The following MAP7 variants were observed in gnomAD, a reference collection of about 807,000 sequenced individuals.
MAP7 encodes microtubule associated protein 7.
Under a neutral mutation model 94.8 loss-of-function variants are expected in MAP7, and 52 were observed. The observed-to-expected ratio is 0.55, with a 90% confidence interval of 0.44 to 0.69. The LOEUF is 0.69. Among genes scored for constraint, MAP7 ranks in the 30% least tolerant of loss-of-function variants. MAP7 has a pLI of 0.00. For missense variants in MAP7, 940 were observed against 964.6 expected (o/e 0.97, Z 0.34); for synonymous variants, 350 against 357.0 (o/e 0.98, Z 0.22).
At chr6:136,465,393 T>C (rs1582994958) in intron 1 of MAP7, among the ~76,000 whole-genome samples, 1 of 152,322 alleles carries the variant, frequency 6.6e-6, no homozygotes, top group East Asian at 1.9e-4. Flanking sequence ...TTTATCACAT[T>C]CAAATAATAA....
intron 1 of MAP7, chr6:136,466,781 A>C: frequency 6.5e-7 from 1 of 1,535,384 alleles, no homozygotes; most frequent in Middle Eastern, 1.7e-4. Context: ...AGTGTCTTCC[A>C]TGCTAAAATC....
At chr6:136,356,589 C>T (rs957148908) in intron 16 of MAP7, 103 bp downstream of exon 16, 123 of 835,346 alleles carry the variant, frequency 1.5e-4, no homozygotes, top group Non-Finnish European at 2.2e-4. Flanking sequence ...CAATGAGGCC[C>T]CCCCCAAATA....
intron 1 of MAP7, among the ~76,000 whole-genome samples, chr6:136,548,568 A>C (rs1488244960): frequency 1.3e-5 from 2 of 152,266 alleles, no homozygotes; most frequent in African/African-American, 4.8e-5. Flanking sequence ...AGGAGATAAC[A>C]GCCAATTTAA....
At chr6:136,544,571 C>T (rs1244011013) in intron 1 of MAP7, among the ~76,000 whole-genome samples, 1 of 152,186 alleles carries the variant, frequency 6.6e-6, no homozygotes, top group Non-Finnish European at 1.5e-5. Context: ...TCTTCCTCCT[C>T]CCATGCTTTA....
chr6:136,540,547 T>G (rs950018240), intron 1 of MAP7, among the ~76,000 whole-genome samples: 10 of 152,210 alleles, frequency 6.6e-5, no homozygotes, highest in African/African-American at 2.4e-4. Context: ...TACTCATAAC[T>G]GTATTCACAT....
chr6:136,369,879 C>T (rs893534980), intron 8 of MAP7, among the ~76,000 whole-genome samples: 1 of 152,084 alleles, frequency 6.6e-6, no homozygotes, highest in Non-Finnish European at 1.5e-5. Context: ...TTGGATATAA[C>T]ACTAAAAGCG....
At chr6:136,345,777 T>G (rs1028013669) in intron 17 of MAP7, 79 bp downstream of exon 17, 7 of 1,109,976 alleles carry the variant, frequency 6.3e-6, no homozygotes, top group Non-Finnish European at 9.7e-6. Flanking sequence ...ACAATCATAC[T>G]GTAGAAGGCA....
At chr6:136,495,614 G>T (rs995466478) in intron 1 of MAP7, among the ~76,000 whole-genome samples, 1 of 152,166 alleles carries the variant, frequency 6.6e-6, no homozygotes, top group African/African-American at 2.4e-5. Flanking sequence ...CAGATTTTCA[G>T]ATTAGGGTTA....
At position 136,409,009 on chromosome 6, in the gene MAP7, G is replaced by A. The variant is rs546292972; in HGVS notation, c.244+2611C>T. Among the ~76,000 whole-genome samples the A allele has an allele frequency of 1.1e-4, 17 of 151,718 alleles. No homozygotes were observed. In the South Asian group the frequency reaches 3.5e-3, roughly 32 times the overall value. On this transcript the variant is annotated intron_variant, in intron 3 of 17. Transcript: ENST00000354570. ...CACTCCTGTATTTATGAAGATTGAAGGGAGCCTCTCAAGACTTAGTTCTAA... is the reference window on the plus strand; with the variant it reads ...CACTCCTGTATTTATGAAGATTGAAAGGAGCCTCTCAAGACTTAGTTCTAA...
At chr6:136,533,198 G>C (rs962868703) in intron 1 of MAP7, among the ~76,000 whole-genome samples, 3 of 152,152 alleles carry the variant, frequency 2.0e-5, no homozygotes, top group African/African-American at 7.2e-5. Flanking sequence ...CTTGAACCCA[G>C]GAGGCAGAGG....
intron 13 of MAP7, among the ~76,000 whole-genome samples, 181 bp from the exon 14 acceptor site, chr6:136,360,212 G>GGCAA (rs1361014547): frequency 4.0e-5 from 6 of 151,104 alleles, no homozygotes; most frequent in Non-Finnish European, 8.8e-5. Flanking sequence ...AGTGCCGTGT[G>GGCAA]GCAAGCTCTC....
chr6:136,487,741 C>T (rs1000828461), intron 1 of MAP7, among the ~76,000 whole-genome samples: 21 of 151,956 alleles, frequency 1.4e-4, no homozygotes, highest in African/African-American at 5.1e-4. Context: ...TTTCTTTTCT[C>T]ATCAGAAAAA....
chr6:136,420,058 C>T (rs745983636), intron 2 of MAP7: 4 of 840,808 alleles, frequency 4.8e-6, no homozygotes, highest in South Asian at 1.3e-5. Context: ...CTTCTGAGCT[C>T]GATTAATTAC....
chr6:136,474,879 C>T (rs1810355249), intron 1 of MAP7, among the ~76,000 whole-genome samples: 1 of 152,040 alleles, frequency 6.6e-6, no homozygotes, highest in Non-Finnish European at 1.5e-5. Context: ...TTATGCTTGG[C>T]TAATTTTTGT....
At chr6:136,463,377 A>G (rs77098055) in intron 1 of MAP7, among the ~76,000 whole-genome samples, 2,426 of 152,302 alleles carry the variant, frequency 0.016, 87 homozygotes, top group East Asian at 0.14. Context: ...CTGAGGCTCA[A>G]AGAAGTAATT....
intron 1 of MAP7, among the ~76,000 whole-genome samples, chr6:136,456,048 C>T (rs1405263543): frequency 6.6e-6 from 1 of 152,184 alleles, no homozygotes; most frequent in Non-Finnish European, 1.5e-5. Flanking sequence ...AGCCCCAAGC[C>T]TCCACTCCTT....
intron 9 of MAP7, 60 bp downstream of exon 9, chr6:136,366,267 G>A: frequency 7.6e-7 from 1 of 1,311,046 alleles, no homozygotes; most frequent in African/African-American, 1.5e-5. Context: ...ACTTTCAGAG[G>A]AGAGAGCTAC....
chr6:136,536,793 C>G (rs749910779), intron 1 of MAP7, among the ~76,000 whole-genome samples: 1 of 152,204 alleles, frequency 6.6e-6, no homozygotes, highest in Non-Finnish European at 1.5e-5. Flanking sequence ...AACTGCAGGA[C>G]TGCAAACTGT....
At chr6:136,484,190 G>A (rs1813877754) in intron 1 of MAP7, among the ~76,000 whole-genome samples, 1 of 152,166 alleles carries the variant, frequency 6.6e-6, no homozygotes, top group African/African-American at 2.4e-5. Flanking sequence ...CTCACATTGA[G>A]CAGCTTGAGC....
Sources: allele counts gnomAD v4.1 joint callset (sites outside exome capture counted in the v4.1 genomes callset), GRCh38; gene constraint gnomAD v4.1.1; transcripts MANE v1.5; gene names NCBI Gene and HGNC (gene_info 2026-07-23, HGNC 2026-07-21).